Variants in PCA3 observed in about 807,000 individuals in gnomAD.
The protein encoded by PCA3 is prostate cancer associated 3.
At chr9:76,783,786 C>G (rs1486761013) in intron 2 of PCA3, 1 of 152,140 alleles carries the variant, frequency 6.6e-6, no homozygotes, top group Non-Finnish European at 1.5e-5. Flanking sequence ...TCACTAGAAA[C>G]AGCAAGATGA....
At chr9:76,774,468 T>A (rs868232450) in intron 2 of PCA3, among the ~76,000 whole-genome samples, 20 of 144,598 alleles carry the variant, frequency 1.4e-4, no homozygotes, top group Admixed American at 1.4e-4. Context: ...TTTTTTTTTT[T>A]TTTTTTTTTG....
chr9:76,766,531 T>C (rs1564251104), intron 2 of PCA3, among the ~76,000 whole-genome samples: 2 of 152,202 alleles, frequency 1.3e-5, no homozygotes, highest in Non-Finnish European at 2.9e-5. Context: ...TTAACTTTCT[T>C]GGACAACTGG....
chr9:76,778,650 C>T (rs1429759094), intron 2 of PCA3: 1 of 152,278 alleles, frequency 6.6e-6, no homozygotes, highest in South Asian at 2.1e-4. Context: ...TCAGGTTCCC[C>T]ATCCATAAAA....
At chr9:76,770,213 T>C (rs565029947) in intron 2 of PCA3, among the ~76,000 whole-genome samples, 1 of 152,252 alleles carries the variant, frequency 6.6e-6, no homozygotes, top group South Asian at 2.1e-4. Context: ...TGAAGATTAT[T>C]TTTACCCTTA....
intron 2 of PCA3, among the ~76,000 whole-genome samples, chr9:76,774,711 G>A (rs1444449716): frequency 3.3e-5 from 5 of 151,890 alleles, no homozygotes; most frequent in Non-Finnish European, 5.9e-5. Flanking sequence ...CACCCACCTC[G>A]GCCTCCCAAA....
intron 2 of PCA3, among the ~76,000 whole-genome samples, chr9:76,783,000 C>T (rs185484607): frequency 2.0e-5 from 3 of 152,308 alleles, no homozygotes; most frequent in Admixed American, 6.5e-5. Context: ...CCCCATGTTA[C>T]GTGTCATTTT....
chr9:76,767,577 G>T (rs967524599), intron 2 of PCA3, among the ~76,000 whole-genome samples: 1 of 152,072 alleles, frequency 6.6e-6, no homozygotes, highest in South Asian at 2.1e-4. Context: ...CAGAACCTTC[G>T]CTTCTGTGAC....
intron 2 of PCA3, among the ~76,000 whole-genome samples, chr9:76,766,547 G>A (rs10521471): frequency 0.12 from 18,748 of 152,124 alleles, 1,492 homozygotes; most frequent in Admixed American, 0.23. Context: ...ACTGGATCAT[G>A]TTCATGGATA....
Position 76,776,448 on chromosome 9 carries a change from T to C in PCA3, n.853-32135T>C, listed in dbSNP as rs1300554512. ...ATAATGATCTCCAGTTCCATCCATA[T>C]TGCTGCAAAAGCTGAGTAGTATATC... On this transcript the variant is annotated intron_variant and non_coding_transcript_variant, in intron 2 of 5. Coordinates refer to ENST00000644657, the Ensembl canonical transcript of PCA3. Among the ~76,000 whole-genome samples the C allele has an allele frequency of 2.6e-5, 4 of 152,278 alleles. No individual in the cohort carries two copies. In the East Asian group the frequency reaches 7.7e-4, roughly 29 times the overall value.
At chr9:76,781,017 C>T (rs1396395695) in intron 2 of PCA3, among the ~76,000 whole-genome samples, 1 of 152,126 alleles carries the variant, frequency 6.6e-6, no homozygotes, top group Non-Finnish European at 1.5e-5. Flanking sequence ...GTCCCCATAG[C>T]CAGTCCATCA....
intron 2 of PCA3, among the ~76,000 whole-genome samples, chr9:76,775,744 A>C (rs2053663006): frequency 6.6e-6 from 1 of 152,240 alleles, no homozygotes; most frequent in South Asian, 2.1e-4. Context: ...ATCCCATTTC[A>C]GGCAAATTCT....
At chr9:76,764,896 T>C (rs940480260) in intron 2 of PCA3, among the ~76,000 whole-genome samples, 1 of 152,310 alleles carries the variant, frequency 6.6e-6, no homozygotes, top group Non-Finnish European at 1.5e-5. Context: ...CCCCAATGTC[T>C]ACAACAGACT....
intron 2 of PCA3, chr9:76,779,817 T>C (rs1325113414): frequency 6.6e-6 from 1 of 152,262 alleles, no homozygotes; most frequent in Non-Finnish European, 1.5e-5. Flanking sequence ...TTAACCCGTA[T>C]GCTTTGTCCC....
chr9:76,770,063 C>A (rs2052920420), intron 2 of PCA3, among the ~76,000 whole-genome samples: 1 of 152,116 alleles, frequency 6.6e-6, no homozygotes, highest in African/African-American at 2.4e-5. Flanking sequence ...CCCAGAATAT[C>A]AGGACCTTGC....
chr9:76,769,631 G>A (rs1344080269), intron 2 of PCA3, among the ~76,000 whole-genome samples: 12 of 152,128 alleles, frequency 7.9e-5, no homozygotes, highest in Non-Finnish European at 1.8e-4. Context: ...CTCCATGTTG[G>A]TCAGGCTGGA....
chr9:76,775,715 G>A lies in PCA3; in HGVS notation n.853-32868G>A, dbSNP rs575424048. Among the ~76,000 whole-genome samples the A allele has an allele frequency of 1.2e-3, 176 of 152,310 alleles. 1 individual carries two copies. The highest frequency in any genetic ancestry group is 4.0e-3 in the African/African-American group (166 of 41,570). On this transcript the variant is annotated intron_variant and non_coding_transcript_variant, in intron 2 of 5. Transcript: ENST00000644657. Reference sequence around the variant, plus strand: ...TAGAACTCCTCAAATTTTCTTGGATGTGAAAATAGTTGTACATCATCCCAT... The same window carrying A: ...TAGAACTCCTCAAATTTTCTTGGATATGAAAATAGTTGTACATCATCCCAT...
At chr9:76,778,551 T>C (rs373259228) in intron 2 of PCA3, 1 of 152,192 alleles carries the variant, frequency 6.6e-6, no homozygotes, top group East Asian at 1.9e-4. Flanking sequence ...GGACTTGGAA[T>C]TGCATGGAGC....
At chr9:76,770,705 CTTTAAAG>C (rs1167574804) in intron 2 of PCA3, among the ~76,000 whole-genome samples, 4 of 152,072 alleles carry the variant, frequency 2.6e-5, no homozygotes, top group Non-Finnish European at 5.9e-5. Context: ...ATGATATTTT[CTTTAAAG>C]TTTAAATTTT....
At chr9:76,776,393 A>G (rs188775033) in intron 2 of PCA3, among the ~76,000 whole-genome samples, 8 of 151,564 alleles carry the variant, frequency 5.3e-5, no homozygotes, top group Admixed American at 5.3e-4. Context: ...GTGGTATCTG[A>G]TTTTCCATTT....
Sources: gnomAD v4.1 joint callset for allele counts (sites outside exome capture counted in the v4.1 genomes callset) on GRCh38, gnomAD v4.1.1 for gene constraint, MANE v1.5 for transcripts, NCBI Gene and HGNC (gene_info 2026-07-23, HGNC 2026-07-21) for gene names.